The following ASXL2 variants were observed in gnomAD, a reference collection of about 807,000 sequenced individuals.
ASXL2 encodes the protein ASXL transcriptional regulator 2, also known as putative Polycomb group protein ASXL2.
Under a neutral mutation model 122.0 loss-of-function variants are expected in ASXL2, and 23 were observed. That is an observed-to-expected ratio of 0.19 (90% CI 0.14 to 0.27). The LOEUF (loss-of-function observed/expected upper bound fraction) is 0.27. Ranked by LOEUF, ASXL2 falls within the 10% of genes least tolerant of loss-of-function variation. ASXL2 has a pLI of 1.00. For synonymous variants in ASXL2, 650 were observed against 637.0 expected (o/e 1.02, Z -0.31); for missense variants, 1,518 against 1,713.8 (o/e 0.89, Z 2.02).
intron 3 of ASXL2, among the ~76,000 whole-genome samples, chr2:25,817,924 A>C (rs10180164): frequency 0.064 from 9,677 of 152,238 alleles, 555 homozygotes; most frequent in African/African-American, 0.15. Flanking sequence ...AGCTGAGAAA[A>C]CTAGTGGTTT....
chr2:25,807,913 A>C (rs1156719610), intron 3 of ASXL2, among the ~76,000 whole-genome samples: 2 of 151,088 alleles, frequency 1.3e-5, no homozygotes, highest in African/African-American at 4.9e-5. Flanking sequence ...ACTTTCAGTC[A>C]TGTGGTTGAG....
Position 25,771,530 on chromosome 2 carries a change from GGAC to G in ASXL2, c.411_413del (p.Ser139del), listed in dbSNP as rs775901220. The G allele has an allele frequency of 1.9e-6, 3 of 1,609,612 alleles. No homozygotes were observed. The highest frequency in any genetic ancestry group is 2.5e-6 in the Non-Finnish European group (3 of 1,178,024). On this transcript the variant is annotated inframe_deletion, in exon 6 of 13. Transcript: ENST00000435504. Reference sequence around the variant, plus strand: ...GTGATGGGCAGCCTGACTGCGGGGAGGACGACGATACTAGGGAAAAAAAAGTGA... The same window carrying G: ...GTGATGGGCAGCCTGACTGCGGGGAGGACGATACTAGGGAAAAAAAAGTGA...
At chr2:25,833,718 G>A (rs1288954567) in intron 3 of ASXL2, among the ~76,000 whole-genome samples, 1 of 151,716 alleles carries the variant, frequency 6.6e-6, no homozygotes. Flanking sequence ...GCTTAATTTT[G>A]CTTTGGGGAA....
At chr2:25,823,212 T>A (rs1342031690) in intron 3 of ASXL2, among the ~76,000 whole-genome samples, 1 of 152,138 alleles carries the variant, frequency 6.6e-6, no homozygotes, top group Non-Finnish European at 1.5e-5. Flanking sequence ...TTGAGTGAGG[T>A]CCTAGGCAAT....
intron 5 of ASXL2, among the ~76,000 whole-genome samples, chr2:25,774,427 A>G (rs950571086): frequency 1.3e-5 from 2 of 152,192 alleles, no homozygotes; most frequent in Middle Eastern, 6.3e-3. Context: ...CTACATTGAC[A>G]TCTAATAGCA....
chr2:25,825,683 C>T (rs1306979387), intron 3 of ASXL2, among the ~76,000 whole-genome samples: 1 of 152,136 alleles, frequency 6.6e-6, no homozygotes, highest in Non-Finnish European at 1.5e-5. Flanking sequence ...GCCATCCATC[C>T]ACCCATCAAT....
At chr2:25,859,588 A>T (rs2089820843) in intron 1 of ASXL2, among the ~76,000 whole-genome samples, 3 of 152,200 alleles carry the variant, frequency 2.0e-5, no homozygotes, top group Admixed American at 2.0e-4. Flanking sequence ...AGCATATTCC[A>T]CCCTGTCACT....
At chr2:25,859,709 A>T (rs1407684650) in intron 1 of ASXL2, among the ~76,000 whole-genome samples, 2 of 152,230 alleles carry the variant, frequency 1.3e-5, no homozygotes, top group Non-Finnish European at 2.9e-5. Context: ...AAGATAGACT[A>T]CATTCTGAGC....
intron 3 of ASXL2, among the ~76,000 whole-genome samples, chr2:25,822,290 G>A (rs893053854): frequency 2.0e-5 from 3 of 152,148 alleles, no homozygotes; most frequent in African/African-American, 7.2e-5. Flanking sequence ...CTCTTTCTGC[G>A]CGGTGCATTC....
chr2:25,862,526 A>G (rs1006796994), intron 1 of ASXL2, among the ~76,000 whole-genome samples: 1 of 152,226 alleles, frequency 6.6e-6, no homozygotes, highest in African/African-American at 2.4e-5. Flanking sequence ...TTAATTTGAC[A>G]AGTATTTATT....
chr2:25,797,378 G>A (rs1394742323), intron 5 of ASXL2, among the ~76,000 whole-genome samples: 1 of 152,198 alleles, frequency 6.6e-6, no homozygotes, highest in Non-Finnish European at 1.5e-5. Flanking sequence ...CCAGAAGGCG[G>A]AGGTTGCAGT....
At position 25,755,849 on chromosome 2, in the gene ASXL2, C is replaced by T. The variant is rs573893114; in HGVS notation, c.1036+169G>A. Among the ~76,000 whole-genome samples the T allele has an allele frequency of 2.6e-5, 4 of 152,314 alleles. No homozygotes were observed. In the East Asian group the frequency reaches 7.7e-4, roughly 29 times the overall value. On this transcript the variant is annotated intron_variant, in intron 10 of 12. Transcript: ENST00000435504. The stretch of plus-strand genomic sequence containing the variant: ...ATTCCATGTGGTGTTAACCTGGTAA[C>T]ATAGGCTCTAGATAAAAGTTTAACA...
chr2:25,850,505 G>A (rs370998658), intron 1 of ASXL2, among the ~76,000 whole-genome samples: 2 of 152,138 alleles, frequency 1.3e-5, no homozygotes, highest in Non-Finnish European at 2.9e-5. Context: ...CTAGAGGCTT[G>A]CTCAGATTCA....
At chr2:25,817,926 T>G (rs1423386626) in intron 3 of ASXL2, among the ~76,000 whole-genome samples, 1 of 152,216 alleles carries the variant, frequency 6.6e-6, no homozygotes, top group Non-Finnish European at 1.5e-5. Flanking sequence ...CTGAGAAAAC[T>G]AGTGGTTTTA....
intron 1 of ASXL2, among the ~76,000 whole-genome samples, chr2:25,874,161 T>C (rs1375760174): frequency 6.6e-6 from 1 of 151,988 alleles, no homozygotes; most frequent in African/African-American, 2.4e-5. Context: ...CTGGGAAACT[T>C]GGCGAGACCC....
intron 5 of ASXL2, among the ~76,000 whole-genome samples, chr2:25,779,800 CTTGT>C (rs72110178): frequency 0.021 from 3,235 of 152,256 alleles, 113 homozygotes; most frequent in African/African-American, 0.07. Context: ...TTAATAGGTT[CTTGT>C]TTGTCCTTTC....
chr2:25,756,880 G>A (rs1453398518), intron 9 of ASXL2, among the ~76,000 whole-genome samples: 2 of 152,224 alleles, frequency 1.3e-5, no homozygotes, highest in East Asian at 3.8e-4. Flanking sequence ...TCATACTCTA[G>A]AGAACTGGTA....
In ASXL2 at chr2:25,862,351, A is replaced by G. The variant is rs141490124; in HGVS notation, c.57+15815T>C. Among the ~76,000 whole-genome samples the G allele has an allele frequency of 2.7e-3, 409 of 152,312 alleles. 3 individuals are homozygous for G. The highest frequency in any genetic ancestry group is 9.4e-3 in the African/African-American group (392 of 41,560). On this transcript the variant is annotated intron_variant, in intron 1 of 12. Transcript: ENST00000435504. ...AACTAAGGAGCTTCACTTATATTAC[A>G]ATGGCATGTATCAGGATATAAACAA... is the stretch of plus-strand genomic sequence containing the variant.
intron 5 of ASXL2, among the ~76,000 whole-genome samples, chr2:25,781,675 T>TTTC (rs2088640500): frequency 6.8e-6 from 1 of 147,974 alleles, no homozygotes; most frequent in African/African-American, 2.6e-5. Flanking sequence ...CCTGGCTTTT[T>TTTC]TTTTTTTTTT....
Sources: gnomAD v4.1 joint callset for allele counts (sites outside exome capture counted in the v4.1 genomes callset) on GRCh38, gnomAD v4.1.1 for gene constraint, MANE v1.5 for transcripts, NCBI Gene and HGNC (gene_info 2026-07-23, HGNC 2026-07-21) for gene names.